The following VWDE variants were observed in gnomAD, a reference collection of about 807,000 sequenced individuals.
The protein encoded by VWDE is von Willebrand factor D and EGF domains, also known as von Willebrand factor D and EGF domain-containing protein.
In VWDE, 207 loss-of-function variants were observed where a neutral mutation model predicts 178.4. The observed-to-expected ratio is 1.16, with a 90% CI of 1.04 to 1.30. The LOEUF (loss-of-function observed/expected upper bound fraction) is 1.30, where lower values mean the gene tolerates loss of function less well. VWDE is among the 50% of genes most tolerant of loss of function. VWDE has a pLI of 0.00. For synonymous variants in VWDE, 738 were observed against 651.4 expected (o/e 1.13, Z -2.02); for missense variants, 2,287 against 1,901.3 (o/e 1.20, Z -3.77).
In VWDE at chr7:12,370,756, C is replaced by T. The variant is rs1298157118; in HGVS notation, c.1696G>A (p.Gly566Arg). ...TTTTCCGGATTTTCATCAAAGGTTC[C>T]ACAAAGTCCCAGAGTGTTTCTGTAA... ...VDYRNTLGLC[G>R]TFDENPENDF... Residue 566 changes from glycine to arginine, a missense_variant, in exon 11 of 29, where the codon GGA (glycine) becomes AGA (arginine). By Grantham distance (125) the Gly-to-Arg change is moderately radical. Coordinates refer to ENST00000275358, the MANE Select transcript of VWDE (RefSeq NM_001135924.3). 6.4e-7 allele frequency: 1 copy of T among 1,550,544 alleles called. No individual in the cohort carries two copies. The highest frequency in any genetic ancestry group is 2.0e-5 in the Admixed American group (1 of 50,902).
chr7:12,340,595 C>T (rs977814141), intron 23 of VWDE, among the ~76,000 whole-genome samples, 178 bp from the exon 24 acceptor site: 54 of 152,120 alleles, frequency 3.5e-4, no homozygotes, highest in Non-Finnish European at 1.2e-4. Flanking sequence ...ACTGGATAAT[C>T]GCTTTGAAAG....
At chr7:12,336,859 C>T in intron 26 of VWDE, 129 bp downstream of exon 26, 1 of 824,716 alleles carries the variant, frequency 1.2e-6, no homozygotes, top group Non-Finnish European at 1.9e-6. Flanking sequence ...TCTCCTAAAG[C>T]AAGAATAAAT....
intron 18 of VWDE, 113 bp from the exon 19 acceptor site, chr7:12,351,826 C>G (rs113846926): frequency 1.9e-5 from 17 of 877,892 alleles, no homozygotes; most frequent in African/African-American, 1.8e-4. Flanking sequence ...GCAAATTAGA[C>G]TGAATAACTC....
intron 13 of VWDE, among the ~76,000 whole-genome samples, chr7:12,361,751 T>C (rs561184504): frequency 3.4e-4 from 51 of 152,078 alleles, no homozygotes; most frequent in African/African-American, 1.2e-3. Context: ...TTCTTGGCGG[T>C]TCAAATCAAA....
rs955039311 is a variant in VWDE at position 12,347,669 on chromosome 7, A to G, written c.3887-3200T>C. Among the ~76,000 whole-genome samples, 7 of 152,162 alleles carry G rather than the reference A, an allele frequency of 4.6e-5. 1 individual carries two copies. Among genetic ancestry groups the G allele is most frequent in the South Asian group, 4.1e-4 (2 of 4,830 alleles). On this transcript the variant is annotated intron_variant, in intron 19 of 28. Transcript: ENST00000275358. ...CTGCCCAAGGTAATTTATAGATTCA[A>G]TGCCATCCCCATCAAGCTACCAACG... is the stretch of plus-strand genomic sequence containing the variant.
chr7:12,384,966 T>C (rs1255614388), intron 3 of VWDE, among the ~76,000 whole-genome samples: 1 of 151,100 alleles, frequency 6.6e-6, no homozygotes, highest in Non-Finnish European at 1.5e-5. Context: ...ACTTCACATG[T>C]AGTATAAGGA....
At chr7:12,393,858 C>G in intron 1 of VWDE, 80 bp from the exon 2 acceptor site, 1 of 1,251,458 alleles carries the variant, frequency 8.0e-7, no homozygotes, top group Non-Finnish European at 1.1e-6. Flanking sequence ...AATTGATTCC[C>G]AAAACAAAAA....
At chr7:12,393,909 G>T in intron 1 of VWDE, 131 bp from the exon 2 acceptor site, 1 of 649,010 alleles carries the variant, frequency 1.5e-6, no homozygotes, top group Non-Finnish European at 2.4e-6. Context: ...AAGACCCTCT[G>T]AAATGTCAGG....
intron 9 of VWDE, among the ~76,000 whole-genome samples, chr7:12,373,645 A>G (rs554121392): frequency 1.3e-5 from 2 of 152,136 alleles, no homozygotes; most frequent in South Asian, 4.1e-4. Flanking sequence ...TCTTCCTCAG[A>G]TACACTTTAT....
At chr7:12,398,693 C>T (rs188375907) in intron 1 of VWDE, among the ~76,000 whole-genome samples, 3 of 152,246 alleles carry the variant, frequency 2.0e-5, no homozygotes, top group South Asian at 2.1e-4. Context: ...TACATATACA[C>T]CATGCAGCAC....
chr7:12,344,444 T>C lies in VWDE; in HGVS notation c.3912A>G (p.Lys1304=). Residue 1304 remains lysine (K), a synonymous_variant, in exon 20 of 29, where the codon AAA becomes AAG. Transcript: ENST00000275358. ...TGTTTGGGGCAACACACTCCCTACT[T>C]TTTCCACATGGATATTTACAAATGG... The part of the protein sequence containing the change: ...AFTICKYPCG[K]SRECVAPNIC... 6.4e-7 allele frequency: 1 copy of C among 1,550,438 alleles called. No individual in the cohort carries two copies. Among genetic ancestry groups the C allele is most frequent in the Non-Finnish European group, 8.7e-7 (1 of 1,146,402 alleles).
At chr7:12,371,120 A>G (rs1433437966) in intron 10 of VWDE, among the ~76,000 whole-genome samples, 1 of 152,152 alleles carries the variant, frequency 6.6e-6, no homozygotes. Flanking sequence ...ACTTCTTTAA[A>G]TAATTTAAAC....
In VWDE at chr7:12,396,843, GA is replaced by G. The variant is rs373432868; in HGVS notation, c.59-3066del. On this transcript the variant is annotated intron_variant, in intron 1 of 28. Transcript: ENST00000275358. Reference sequence around the variant, plus strand: ...CCAACTACTCGGGAGGCTGAGGCAGGAGAATCACTTGAACCCAGGAGATGGA... The same window carrying G: ...CCAACTACTCGGGAGGCTGAGGCAGGGAATCACTTGAACCCAGGAGATGGA... Among the ~76,000 whole-genome samples the G allele has an allele frequency of 3.0e-4, 45 of 152,240 alleles. No homozygotes were observed. The East Asian group carries it at 7.1e-3, about 24-fold the overall frequency.
intron 15 of VWDE, 80 bp from the exon 16 acceptor site, chr7:12,359,772 A>G: frequency 1.3e-6 from 1 of 788,508 alleles, no homozygotes; most frequent in Non-Finnish European, 2.0e-6. Context: ...ATGGCAGTGT[A>G]TGTATTGATG....
intron 24 of VWDE, among the ~76,000 whole-genome samples, chr7:12,339,193 C>T (rs998206822): frequency 2.0e-5 from 3 of 152,246 alleles, no homozygotes; most frequent in African/African-American, 4.8e-5. Flanking sequence ...GGAATACGTT[C>T]AATAGATAAT....
At chr7:12,342,846 C>T (rs1308249024) in intron 22 of VWDE, among the ~76,000 whole-genome samples, 1 of 149,932 alleles carries the variant, frequency 6.7e-6, no homozygotes, top group Non-Finnish European at 1.5e-5. Context: ...CCCCACCCCA[C>T]AACAGTCCCC....
chr7:12,362,499 T>G (rs998426490), intron 13 of VWDE, among the ~76,000 whole-genome samples: 5 of 152,076 alleles, frequency 3.3e-5, no homozygotes, highest in African/African-American at 1.2e-4. Flanking sequence ...GAAAATGCAC[T>G]GGTCCCAAAA....
chr7:12,384,036 T>C (rs2053384), intron 3 of VWDE, among the ~76,000 whole-genome samples: 5,283 of 152,220 alleles, frequency 0.035, 331 homozygotes, highest in African/African-American at 0.12. Flanking sequence ...CTTATTTCCA[T>C]AGAAAAACCT....
chr7:12,357,608 A>G (rs1782331748), intron 16 of VWDE, 93 bp from the exon 17 acceptor site: 2 of 1,377,836 alleles, frequency 1.5e-6, no homozygotes, highest in East Asian at 5.0e-5. Context: ...CATTTTGATA[A>G]AGACTGAACT....
Sources: allele counts gnomAD v4.1 joint callset (sites outside exome capture counted in the v4.1 genomes callset), GRCh38; gene constraint gnomAD v4.1.1; transcripts MANE v1.5; gene names NCBI Gene and HGNC (gene_info 2026-07-23, HGNC 2026-07-21).